The following SLC27A6 variants were observed in gnomAD, a reference collection of about 807,000 sequenced individuals.
SLC27A6 encodes long-chain fatty acid transport protein 6.
SLC27A6 carries 74 observed loss-of-function variants against 63.9 expected under a neutral mutation model. The ratio of observed to expected loss-of-function variants is 1.16; its 90% CI spans 0.96 to 1.40. The LOEUF (loss-of-function observed/expected upper bound fraction) is 1.40, where lower values mean the gene tolerates loss of function less well. Among genes scored for constraint, SLC27A6 ranks in the 40% most tolerant of loss-of-function variants. SLC27A6 has a pLI of 0.00. For synonymous variants in SLC27A6, 287 were observed against 260.8 expected (o/e 1.10, Z -0.97); for missense variants, 794 against 732.9 (o/e 1.08, Z -0.96).
chr5:129,017,520 A>T (rs1471004034), intron 5 of SLC27A6, among the ~76,000 whole-genome samples: 4 of 152,116 alleles, frequency 2.6e-5, no homozygotes. Context: ...AAGGAAATAA[A>T]AGGAAGGAAA....
intron 9 of SLC27A6, among the ~76,000 whole-genome samples, chr5:129,031,642 G>T (rs1752418337): frequency 6.6e-6 from 1 of 151,716 alleles, no homozygotes; most frequent in Non-Finnish European, 1.5e-5. Context: ...TAAAAATTTT[G>T]ATATTCTCTA....
At chr5:129,000,833 C>T (rs1303862854) in intron 4 of SLC27A6, among the ~76,000 whole-genome samples, 2 of 152,006 alleles carry the variant, frequency 1.3e-5, no homozygotes, top group Admixed American at 1.3e-4. Flanking sequence ...TCTTTCTCTA[C>T]AAGGTGCCTT....
intron 4 of SLC27A6, among the ~76,000 whole-genome samples, chr5:129,001,238 A>G (rs10478829): frequency 0.23 from 34,939 of 151,910 alleles, 5,129 homozygotes; most frequent in East Asian, 0.71. Context: ...CTCTCTCCCC[A>G]CACCACTCCT....
intron 5 of SLC27A6, among the ~76,000 whole-genome samples, chr5:129,023,078 TGAAAGGCTCAGGG>T (rs1300329624): frequency 5.9e-5 from 9 of 151,860 alleles, no homozygotes. Context: ...AGCGTTACAG[TGAAAGGCTCAGGG>T]GAAAGGCTTA....
chr5:128,995,604 A>T (rs1040921290), intron 4 of SLC27A6, among the ~76,000 whole-genome samples: 1 of 152,186 alleles, frequency 6.6e-6, no homozygotes, highest in East Asian at 1.9e-4. Flanking sequence ...CTATGAGCCG[A>T]GGACCTGATA....
At chr5:129,013,764 C>T (rs1246526496) in intron 4 of SLC27A6, among the ~76,000 whole-genome samples, 1 of 152,050 alleles carries the variant, frequency 6.6e-6, no homozygotes, top group African/African-American at 2.4e-5. Flanking sequence ...GCCTCTTCTC[C>T]ATTCATTTTA....
intron 4 of SLC27A6, among the ~76,000 whole-genome samples, chr5:129,009,103 G>A (rs1486177308): frequency 6.6e-6 from 1 of 152,084 alleles, no homozygotes; most frequent in African/African-American, 2.4e-5. Flanking sequence ...CTGACCTCAG[G>A]TCATCCGCCT....
chr5:128,996,449 A>T (rs1022189433), intron 4 of SLC27A6, among the ~76,000 whole-genome samples: 2 of 152,202 alleles, frequency 1.3e-5, no homozygotes, highest in Admixed American at 6.5e-5. Flanking sequence ...CTCCCATTAT[A>T]AAAAGAGAGG....
At chr5:129,029,917 A>G (rs949044470) in intron 9 of SLC27A6, among the ~76,000 whole-genome samples, 2 of 152,044 alleles carry the variant, frequency 1.3e-5, no homozygotes, top group Non-Finnish European at 2.9e-5. Flanking sequence ...TGTCCTAATT[A>G]TAGAATTGCT....
rs761031404 is a variant in SLC27A6, at chr5:129,027,262, C to A, written c.1385C>A (p.Thr462Asn). 1.9e-5 allele frequency: 31 copies of A among 1,613,082 alleles called. No homozygotes were observed. In the South Asian group the frequency reaches 3.3e-4, roughly 17 times the overall value. ...VFKKGDVYLN[T>N]GDLIVQDQDN... ...AAGAAGGGAGATGTTTACCTTAATACTGGAGACTTAATAGTCCAGGATCAG... is the reference window on the plus strand; with the variant it reads ...AAGAAGGGAGATGTTTACCTTAATAATGGAGACTTAATAGTCCAGGATCAG... The change falls in exon 7 of 10, where the codon ACT becomes AAT. Residue 462 changes from threonine (T) to asparagine (N), a missense_variant. By Grantham distance (65) the Thr-to-Asn change is moderately conservative. Transcript: ENST00000262462.
At chr5:128,975,684 T>C (rs1750352281) in intron 1 of SLC27A6, among the ~76,000 whole-genome samples, 4 of 152,340 alleles carry the variant, frequency 2.6e-5, no homozygotes, top group South Asian at 2.1e-4. Context: ...TAGCAGTAAG[T>C]TAATGACAGA....
intron 4 of SLC27A6, among the ~76,000 whole-genome samples, chr5:128,999,724 C>A (rs548610141): frequency 5.9e-5 from 9 of 152,226 alleles, no homozygotes; most frequent in Middle Eastern, 3.4e-3. Context: ...TGTTCCCCCC[C>A]TGGATATTGT....
chr5:129,021,867 G>C (rs576927392), intron 5 of SLC27A6, among the ~76,000 whole-genome samples: 15 of 152,278 alleles, frequency 9.9e-5, no homozygotes, highest in African/African-American at 3.4e-4. Flanking sequence ...AACAGACACA[G>C]TAAACAGTAA....
chr5:129,014,737 A>G (rs73242077), intron 4 of SLC27A6, among the ~76,000 whole-genome samples: 2,379 of 152,176 alleles, frequency 0.016, 67 homozygotes, highest in African/African-American at 0.053. Context: ...TTCTGAAACA[A>G]ATTTCCTGCC....
intron 9 of SLC27A6, among the ~76,000 whole-genome samples, chr5:129,031,224 T>G (rs549397928): frequency 6.6e-6 from 1 of 152,154 alleles, no homozygotes; most frequent in Admixed American, 6.6e-5. Context: ...TCACTATAGT[T>G]AGAAATAAAG....
At chr5:128,991,912 C>T (rs1007276190) in intron 4 of SLC27A6, among the ~76,000 whole-genome samples, 41 of 151,750 alleles carry the variant, frequency 2.7e-4, no homozygotes, top group African/African-American at 7.2e-4. Flanking sequence ...TTCCTGCTTT[C>T]GTTTATCTCT....
chr5:128,990,208 A>C, intron 3 of SLC27A6, 132 bp from the exon 4 acceptor site: 1 of 820,794 alleles, frequency 1.2e-6, no homozygotes, highest in Non-Finnish European at 1.9e-6. Context: ...TTTGATATAA[A>C]TTATTGATGA....
intron 4 of SLC27A6, among the ~76,000 whole-genome samples, chr5:129,011,958 G>A (rs973816958): frequency 1.3e-5 from 2 of 151,520 alleles, no homozygotes; most frequent in African/African-American, 4.8e-5. Flanking sequence ...CCCTTGAAAA[G>A]ATACATATAG....
At position 129,006,071 on chromosome 5, in the gene SLC27A6, GT is replaced by G. The variant is rs4068575; in HGVS notation, c.970-9789del. Reference sequence around the variant, plus strand: ...TAAAATTTTCATTCCTGTGCACACTGTTTTTTTTTTTTTTTTTTTTTTTTTG... The same window carrying G: ...TAAAATTTTCATTCCTGTGCACACTGTTTTTTTTTTTTTTTTTTTTTTTTG... On this transcript the variant is annotated intron_variant, in intron 4 of 9. Transcript: ENST00000262462. 6.8e-3 allele frequency among the ~76,000 whole-genome samples: 410 copies of G among 60,084 alleles called. 1 individual carries two copies. The highest frequency in any genetic ancestry group is 0.021 in the African/African-American group (251 of 12,044). 39.4% of individuals were successfully genotyped at this position (60,084 alleles called of 152,430 possible).
Sources: gnomAD v4.1 joint callset for allele counts (sites outside exome capture counted in the v4.1 genomes callset) on GRCh38, gnomAD v4.1.1 for gene constraint, MANE v1.5 for transcripts, NCBI Gene and HGNC (gene_info 2026-07-23, HGNC 2026-07-21) for gene names.